The following DLG2 variants were observed in gnomAD, a reference collection of about 807,000 sequenced individuals.
DLG2 encodes the protein discs large MAGUK scaffold protein 2.
In DLG2, 45 loss-of-function variants were observed where a neutral mutation model predicts 132.5. The observed-to-expected ratio is 0.34, with a 90% CI of 0.27 to 0.44. The LOEUF is 0.44. Among genes scored for constraint, DLG2 ranks in the 20% least tolerant of loss-of-function variants. DLG2 has a pLI of 1.00. For missense variants in DLG2, 1,045 were observed against 1,196.9 expected, an observed-to-expected ratio of 0.87 and a Z score of 1.87; for synonymous variants, 424 against 419.6, an observed-to-expected ratio of 1.01 and a Z score of -0.13.
chr11:85,522,275 C>A (rs1296825926), intron 3 of DLG2, among the ~76,000 whole-genome samples: 1 of 152,164 alleles, frequency 6.6e-6, no homozygotes, highest in Non-Finnish European at 1.5e-5. Context: ...TCTGTGGGTG[C>A]ACAGAAGACA....
intron 4 of DLG2, among the ~76,000 whole-genome samples, chr11:85,228,547 T>A (rs1389274997): frequency 1.3e-5 from 2 of 152,114 alleles, no homozygotes; most frequent in Non-Finnish European, 2.9e-5. Context: ...TGAAGTAGTT[T>A]AGTTTCCCTT....
chr11:83,641,125 C>CT (rs991780762), intron 18 of DLG2, among the ~76,000 whole-genome samples: 2 of 152,100 alleles, frequency 1.3e-5, no homozygotes, highest in Admixed American at 6.6e-5. Context: ...ATAAAAGCAT[C>CT]TTTTTCTTGG....
chr11:83,727,277 T>G (rs2090176245), intron 18 of DLG2, among the ~76,000 whole-genome samples: 1 of 152,046 alleles, frequency 6.6e-6, no homozygotes, highest in East Asian at 1.9e-4. Flanking sequence ...GTAAGGGACC[T>G]CTTAAACAGA....
intron 10 of DLG2, among the ~76,000 whole-genome samples, chr11:84,094,347 G>A (rs556919331): frequency 6.6e-6 from 1 of 151,978 alleles, no homozygotes; most frequent in Non-Finnish European, 1.5e-5. Context: ...TTTATTATTA[G>A]GATTATTATT....
chr11:83,975,151 T>C (rs1290884923), intron 12 of DLG2, among the ~76,000 whole-genome samples: 1 of 152,118 alleles, frequency 6.6e-6, no homozygotes, highest in Non-Finnish European at 1.5e-5. Flanking sequence ...TTTTCTAATA[T>C]ATTGGGCTAT....
At chr11:84,718,290 T>C (rs763002408) in intron 6 of DLG2, among the ~76,000 whole-genome samples, 4 of 152,122 alleles carry the variant, frequency 2.6e-5, no homozygotes, top group Non-Finnish European at 4.4e-5. Context: ...CAAAAAACGA[T>C]GTCTGCAAAC....
intron 7 of DLG2, among the ~76,000 whole-genome samples, chr11:84,298,358 T>G (rs970401267): frequency 5.7e-4 from 87 of 152,290 alleles, no homozygotes; most frequent in African/African-American, 2.0e-3. Context: ...CAAATCTCCC[T>G]GGACACTTAG....
At chr11:84,559,522 ATAT>A (rs1565300420) in intron 6 of DLG2, among the ~76,000 whole-genome samples, 1 of 152,170 alleles carries the variant, frequency 6.6e-6, no homozygotes, top group East Asian at 1.9e-4. Context: ...TTCAGCAAAC[ATAT>A]TATTGATTTT....
At chr11:83,915,258 G>C (rs959578040) in intron 15 of DLG2, among the ~76,000 whole-genome samples, 1 of 152,114 alleles carries the variant, frequency 6.6e-6, no homozygotes, top group Non-Finnish European at 1.5e-5. Context: ...CCAGTTCTCT[G>C]AGGAGTAAAT....
chr11:85,201,260 C>G lies in DLG2; in HGVS notation c.187-46609G>C, dbSNP rs186264685. ...TCTGTGCAGAGATCTGCTGAAAGAC[C>G]CACACACCTCTGAGCCAATGAAACA... On this transcript the variant is annotated intron_variant, in intron 4 of 27. Coordinates refer to ENST00000376104, the MANE Select transcript of DLG2 (RefSeq NM_001142699.3). 1.2e-3 allele frequency among the ~76,000 whole-genome samples: 178 copies of G among 152,250 alleles called. 1 individual carries two copies. Among genetic ancestry groups the G allele is most frequent in the African/African-American group, 4.1e-3 (171 of 41,538 alleles).
At chr11:83,662,767 T>C (rs925980025) in intron 18 of DLG2, among the ~76,000 whole-genome samples, 1 of 152,180 alleles carries the variant, frequency 6.6e-6, no homozygotes, top group African/African-American at 2.4e-5. Flanking sequence ...CTCAGAACCT[T>C]TTGTCAGTAG....
chr11:84,503,575 G>C (rs1348382853), intron 7 of DLG2, among the ~76,000 whole-genome samples: 2 of 152,148 alleles, frequency 1.3e-5, no homozygotes, highest in African/African-American at 4.8e-5. Context: ...CATAGGAACA[G>C]GTGAGTTGAG....
intron 21 of DLG2, among the ~76,000 whole-genome samples, chr11:83,518,444 G>A (rs1050764811): frequency 7.2e-5 from 11 of 152,210 alleles, no homozygotes; most frequent in Non-Finnish European, 1.5e-5. Context: ...CTGGGAAAGG[G>A]AATTCCCTGA....
intron 3 of DLG2, among the ~76,000 whole-genome samples, chr11:85,524,799 T>G (rs1339747662): frequency 6.6e-6 from 1 of 152,110 alleles, no homozygotes; most frequent in Non-Finnish European, 1.5e-5. Flanking sequence ...CCACTGCTAC[T>G]CTAATTTTAT....
intron 6 of DLG2, among the ~76,000 whole-genome samples, chr11:85,020,519 T>A (rs1336109935): frequency 1.3e-5 from 2 of 152,294 alleles, no homozygotes; most frequent in East Asian, 1.9e-4. Context: ...GGTGTTTTAG[T>A]CATGAAGTCC....
intron 6 of DLG2, among the ~76,000 whole-genome samples, chr11:84,707,572 T>C (rs2059915185): frequency 6.6e-6 from 1 of 151,866 alleles, no homozygotes; most frequent in Admixed American, 6.6e-5. Flanking sequence ...ATTATAAGAG[T>C]ACAATAGGTT....
At chr11:83,651,853 C>CGAAGGT (rs1566305034) in intron 18 of DLG2, 1 of 471,104 alleles carries the variant, frequency 2.1e-6, no homozygotes, top group East Asian at 6.9e-5. Flanking sequence ...CTCAGAGCTA[C>CGAAGGT]GAAGGTCACA....
intron 11 of DLG2, among the ~76,000 whole-genome samples, chr11:84,055,792 T>C (rs1245042214): frequency 6.6e-6 from 1 of 152,132 alleles, no homozygotes; most frequent in African/African-American, 2.4e-5. Context: ...ATTTATATTA[T>C]AGGTGTTTTC....
chr11:85,625,679 A>G (rs190157752), intron 2 of DLG2, among the ~76,000 whole-genome samples: 1 of 152,336 alleles, frequency 6.6e-6, no homozygotes, highest in East Asian at 1.9e-4. Flanking sequence ...GATTGTAGCA[A>G]CTCACATAAC....
Sources: gnomAD v4.1 joint callset for allele counts (sites outside exome capture counted in the v4.1 genomes callset) on GRCh38, gnomAD v4.1.1 for gene constraint, MANE v1.5 for transcripts, NCBI Gene and HGNC (gene_info 2026-07-23, HGNC 2026-07-21) for gene names.